Variants in FBXL14 observed in about 807,000 individuals in gnomAD.
FBXL14 encodes the protein F-box and leucine rich repeat protein 14.
A neutral mutation model predicts 24.5 loss-of-function variants in FBXL14; 11 were observed. That is an observed-to-expected ratio of 0.45 (90% CI 0.28 to 0.74). The LOEUF (loss-of-function observed/expected upper bound fraction) is 0.74. FBXL14 is among the 30% of genes least tolerant of loss of function. The probability of loss-of-function intolerance (pLI) is 0.12; values close to 1 mark genes in which losing one functional copy is unlikely to be tolerated. For synonymous variants in FBXL14, 294 were observed against 240.4 expected (o/e 1.22, Z -2.06); for missense variants, 384 against 545.6 (o/e 0.70, Z 2.95).
At chr12:1,592,624 C>T (rs1351215227) in intron 1 of FBXL14, among the ~76,000 whole-genome samples, 1 of 152,170 alleles carries the variant, frequency 6.6e-6, no homozygotes, top group Non-Finnish European at 1.5e-5. Flanking sequence ...GAGTCCATCT[C>T]TCCATCCGCG....
At chr12:1,575,198 A>G (rs2154437850) in intron 1 of FBXL14, among the ~76,000 whole-genome samples, 1 of 152,356 alleles carries the variant, frequency 6.6e-6, no homozygotes, top group Non-Finnish European at 1.5e-5. Context: ...AAATAAAAAT[A>G]AAGATCCCCT....
chr12:1,582,898 C>T (rs1429916529), intron 1 of FBXL14, among the ~76,000 whole-genome samples: 3 of 152,184 alleles, frequency 2.0e-5, no homozygotes, highest in Admixed American at 6.5e-5. Context: ...CTCAGCCTGT[C>T]TCTTCTTGTG....
chr12:1,581,548 G>A (rs1260399805), intron 1 of FBXL14, among the ~76,000 whole-genome samples: 1 of 152,210 alleles, frequency 6.6e-6, no homozygotes, highest in East Asian at 1.9e-4. Flanking sequence ...TCCCGGAAAT[G>A]CTTTTTCCTA....
chr12:1,592,783 T>C, intron 1 of FBXL14, 90 bp downstream of exon 1: 1 of 1,119,078 alleles, frequency 8.9e-7, no homozygotes, highest in East Asian at 2.5e-5. Context: ...GATCTGTGCG[T>C]AAGTGTGCGT....
At chr12:1,575,648 C>T (rs1012145417) in intron 1 of FBXL14, among the ~76,000 whole-genome samples, 1 of 152,148 alleles carries the variant, frequency 6.6e-6, no homozygotes. Flanking sequence ...GGATCCTTGC[C>T]GCAGGAGGTT....
At chr12:1,588,409 C>T (rs1482961430) in intron 1 of FBXL14, among the ~76,000 whole-genome samples, 2 of 152,102 alleles carry the variant, frequency 1.3e-5, no homozygotes, top group East Asian at 3.8e-4. Flanking sequence ...GAAAAAGGAA[C>T]GTTTGCTTTT....
chr12:1,575,547 C>G (rs2094454233), intron 1 of FBXL14, among the ~76,000 whole-genome samples: 1 of 152,216 alleles, frequency 6.6e-6, no homozygotes, highest in South Asian at 2.1e-4. Flanking sequence ...CCTGTGCTCA[C>G]AGCTCTACTC....
chr12:1,572,132 GA>G (rs1384147921), intron 1 of FBXL14, among the ~76,000 whole-genome samples: 6 of 151,250 alleles, frequency 4.0e-5, no homozygotes, highest in African/African-American at 1.5e-4. Flanking sequence ...TGGGGGCAGT[GA>G]AAAAAAAAGT....
Position 1,594,368 on chromosome 12 carries a change from G to GGCCGCC in FBXL14, c.-308_-303dup, listed in dbSNP as rs1210382696. ...CGCCTCGCTCTCGCTCCCGGAGGCC[G>GGCCGCC]GCCGCCGCCGCCGCCTCGGCTCTAC... On this transcript the variant is annotated 5_prime_UTR_variant, in exon 1 of 2. Transcript: ENST00000339235. Among the ~76,000 whole-genome samples, 2 of 142,914 alleles carry GGCCGCC rather than the reference G, an allele frequency of 1.4e-5. No individual in the cohort carries two copies. Among genetic ancestry groups the GGCCGCC allele is most frequent in the African/African-American group, 2.5e-5 (1 of 39,718 alleles). 93.8% of individuals were successfully genotyped at this position (142,914 alleles called of 152,430 possible). A position where few individuals can be genotyped will look rare whatever the true frequency, so the allele number is the denominator to read the frequency against.
chr12:1,594,627 G>A (rs2094497989), upstream of FBXL14, among the ~76,000 whole-genome samples: 1 of 149,062 alleles, frequency 6.7e-6, no homozygotes, highest in Non-Finnish European at 1.5e-5. Flanking sequence ...CCCAGGCGGG[G>A]GGACCAGGAG....
In FBXL14 at chr12:1,593,331, G is replaced by A; in HGVS notation, c.736C>T (p.Leu246Phe). The A allele has an allele frequency of 1.2e-6, 2 of 1,613,650 alleles. No homozygotes were observed. The highest frequency in any genetic ancestry group is 1.7e-6 in the Non-Finnish European group (2 of 1,180,036). ...CTGCCCATGTGCGACAGGTGCAGGA[G>A]GCCAGCGTCCGAGATTCCCCCACAG... ...SFCGGISDAG[L>F]LHLSHMGSLR... The change falls in exon 1 of 2, where the codon CTC becomes TTC. Residue 246 changes from leucine (L) to phenylalanine (F), a missense_variant. Transcript: ENST00000339235. This position sits in a 1 kb window ranked among gnomAD's most constrained non-coding sequence, Gnocchi z 7.4.
chr12:1,568,516 ATTC>A (rs951479563), intron 1 of FBXL14, among the ~76,000 whole-genome samples: 23 of 152,338 alleles, frequency 1.5e-4, no homozygotes, highest in African/African-American at 4.8e-4. Flanking sequence ...TATTTTTCTT[ATTC>A]TTAATCTAAC....
chr12:1,582,210 G>C (rs1592472369), intron 1 of FBXL14, among the ~76,000 whole-genome samples: 2 of 149,646 alleles, frequency 1.3e-5, no homozygotes, highest in South Asian at 4.3e-4. Context: ...GAAAGAAAGA[G>C]AAAGAAGAAA....
At position 1,593,800 on chromosome 12, in the gene FBXL14, C is replaced by T; in HGVS notation, c.267G>A (p.Met89Ile). The T allele has an allele frequency of 6.2e-7, 1 of 1,614,192 alleles. No individual in the cohort carries two copies. Among genetic ancestry groups the T allele is most frequent in the Non-Finnish European group, 8.5e-7 (1 of 1,180,032 alleles). ...TGAGGTTGAGGCTCTCGATGTTGGC[C>T]ATGCCCTGGATCACGTAGCTGAGGC... Reference protein sequence around the residue: ...RRSLSYVIQGMANIESLNLSG... With the variant: ...RRSLSYVIQGIANIESLNLSG... The change falls in exon 1 of 2, where the codon ATG (methionine) becomes ATA (isoleucine). Residue 89 changes from methionine to isoleucine, a missense_variant. Physicochemically the swap from Met to Ile is conservative, Grantham distance 10. Coordinates refer to ENST00000339235, the MANE Select transcript of FBXL14 (RefSeq NM_152441.3). The surrounding 1 kb of genome is among the most constrained non-coding windows in gnomAD (Gnocchi z 7.4).
intron 1 of FBXL14, among the ~76,000 whole-genome samples, chr12:1,589,923 G>C (rs942163452): frequency 6.6e-6 from 1 of 152,214 alleles, no homozygotes; most frequent in South Asian, 2.1e-4. Flanking sequence ...CACGTTACAG[G>C]TGGTAGGAAT....
At position 1,566,801 on chromosome 12, in the gene FBXL14, C is replaced by G. The variant is rs762924810; in HGVS notation, c.1204G>C (p.Gly402Arg). ...QMTDSEKEAR[G>R]DFSPLFTVRT... The stretch of plus-strand genomic sequence containing the variant: ...ACAGTGAATAATGGAGAAAAATCCC[C>G]TCGTGCCTCCTGCAGTGGGAAGAAG... The change falls in exon 2 of 2, where the codon GGG becomes CGG. Residue 402 changes from glycine (G) to arginine (R), a missense_variant. By Grantham distance (125) the Gly-to-Arg change is moderately radical. Transcript: ENST00000339235. The G allele has an allele frequency of 2.6e-6, 2 of 780,898 alleles. No homozygotes were observed. Among genetic ancestry groups the G allele is most frequent in the African/African-American group, 1.7e-5 (1 of 59,140 alleles). The allele number at this position is 780,898 out of a possible 1,614,324, so 48.4% of individuals were successfully genotyped here. A position where few individuals can be genotyped will look rare whatever the true frequency, so the allele number is the denominator to read the frequency against.
intron 1 of FBXL14, among the ~76,000 whole-genome samples, chr12:1,589,598 A>C (rs113493600): frequency 9.9e-5 from 15 of 152,090 alleles, no homozygotes; most frequent in African/African-American, 3.6e-4. Flanking sequence ...GAAAACAGGG[A>C]TAATACCTGT....
chr12:1,575,217 A>G (rs561394392), intron 1 of FBXL14, among the ~76,000 whole-genome samples: 1 of 152,338 alleles, frequency 6.6e-6, no homozygotes, highest in East Asian at 1.9e-4. Flanking sequence ...CTACAGCTCC[A>G]TCCTCCTTTG....
At chr12:1,576,812 A>G (rs899656900) in intron 1 of FBXL14, among the ~76,000 whole-genome samples, 1 of 152,214 alleles carries the variant, frequency 6.6e-6, no homozygotes, top group Non-Finnish European at 1.5e-5. Context: ...AAGCTGCCAA[A>G]TAAATATTTA....
Sources: gnomAD v4.1 joint callset for allele counts (sites outside exome capture counted in the v4.1 genomes callset) on GRCh38, gnomAD v4.1.1 for gene constraint, Gnocchi (gnomAD v3.1) non-coding constraint, MANE v1.5 for transcripts, NCBI Gene and HGNC (gene_info 2026-07-23, HGNC 2026-07-21) for gene names.